SMARCC1: variants seen among roughly 807,000 people sequenced by gnomAD.
SMARCC1 encodes SWI/SNF complex subunit SMARCC1.
SMARCC1 carries 43 observed loss-of-function variants against 147.4 expected under a neutral mutation model. That is an observed-to-expected ratio of 0.29 (90% CI 0.23 to 0.38). The LOEUF (loss-of-function observed/expected upper bound fraction) is 0.38. SMARCC1 is among the 10% of genes least tolerant of loss of function. The probability of loss-of-function intolerance (pLI) is 1.00; values close to 1 mark genes in which losing one functional copy is unlikely to be tolerated. For missense variants in SMARCC1, 1,119 were observed against 1,381.1 expected, an observed-to-expected ratio of 0.81 and a Z score of 3.01; for synonymous variants, 495 against 484.4, an observed-to-expected ratio of 1.02 and a Z score of -0.29.
chr3:47,773,932 T>A (rs1416415467), intron 1 of SMARCC1, among the ~76,000 whole-genome samples: 2 of 152,082 alleles, frequency 1.3e-5, no homozygotes, highest in African/African-American at 4.8e-5. Context: ...ACACTCAGCC[T>A]CAAAAAGTAT....
chr3:47,682,120 C>A (rs1361360676), intron 14 of SMARCC1, among the ~76,000 whole-genome samples: 1 of 151,142 alleles, frequency 6.6e-6, no homozygotes, highest in Non-Finnish European at 1.5e-5. Context: ...ATGGTGAAAC[C>A]CCGTCTCTAC....
intron 14 of SMARCC1, among the ~76,000 whole-genome samples, chr3:47,682,139 C>T (rs1028808911): frequency 5.9e-5 from 9 of 151,326 alleles, no homozygotes; most frequent in African/African-American, 1.9e-4. Context: ...ACTAAAACTA[C>T]AAAAAATTAG....
intron 26 of SMARCC1, among the ~76,000 whole-genome samples, chr3:47,595,739 TTTC>T (rs1446327453): frequency 2.0e-5 from 3 of 149,288 alleles, no homozygotes; most frequent in Admixed American, 6.7e-5. Flanking sequence ...TCTTTTTCTT[TTTC>T]TTTTTTTTTG....
intron 2 of SMARCC1, among the ~76,000 whole-genome samples, chr3:47,758,420 A>G (rs1207618738): frequency 6.6e-6 from 1 of 151,958 alleles, no homozygotes; most frequent in Non-Finnish European, 1.5e-5. Context: ...GTGGTAGTAT[A>G]TGCCTAGGCT....
intron 21 of SMARCC1, among the ~76,000 whole-genome samples, chr3:47,655,556 G>C (rs2033250643): frequency 6.6e-6 from 1 of 151,504 alleles, no homozygotes; most frequent in South Asian, 2.1e-4. Flanking sequence ...AATCAGCCAG[G>C]TGTCGTGGCA....
rs769789233 is a variant in SMARCC1 at position 47,706,481 on chromosome 3, C to G, written c.968G>C (p.Arg323Pro). ...RRDRKASANA[R>P]KRKHSPSPPP... Reference sequence around the variant, plus strand: ...AGGCGAAGGCGAATGTTTCCTCTTTCGAGCATTAGCTGATGCTTTTCTATC... The same window carrying G: ...AGGCGAAGGCGAATGTTTCCTCTTTGGAGCATTAGCTGATGCTTTTCTATC... The change falls in exon 10 of 28, where the codon CGA becomes CCA. Residue 323 changes from arginine to proline, a missense_variant. This residue lies in a region of SMARCC1 where 542 missense variants were observed against 611.8 expected (regional missense o/e 0.89). Transcript: ENST00000254480. 1.3e-6 allele frequency: 2 copies of G among 1,582,088 alleles called. No individual in the cohort carries two copies. Among genetic ancestry groups the G allele is most frequent in the Non-Finnish European group, 1.7e-6 (2 of 1,167,980 alleles).
intron 21 of SMARCC1, among the ~76,000 whole-genome samples, chr3:47,642,460 C>T (rs561631756): frequency 6.6e-6 from 1 of 152,154 alleles, no homozygotes; most frequent in South Asian, 2.1e-4. Context: ...TGTGGTGGCG[C>T]ATGCTAGTAA....
At chr3:47,735,492 G>A (rs948256702) in intron 5 of SMARCC1, among the ~76,000 whole-genome samples, 3 of 152,022 alleles carry the variant, frequency 2.0e-5, no homozygotes, top group African/African-American at 4.8e-5. Flanking sequence ...CATTGTGGCC[G>A]GGCACAGTGG....
chr3:47,624,099 G>A (rs1259318274), intron 24 of SMARCC1, among the ~76,000 whole-genome samples: 2 of 151,882 alleles, frequency 1.3e-5, no homozygotes, highest in Admixed American at 6.6e-5. Context: ...AGACCAGCCC[G>A]GCCAACACAG....
chr3:47,651,998 G>A (rs2033196152), intron 21 of SMARCC1, among the ~76,000 whole-genome samples: 1 of 152,166 alleles, frequency 6.6e-6, no homozygotes, highest in Non-Finnish European at 1.5e-5. Flanking sequence ...TTTTATTTGA[G>A]ACATGGTCTC....
At chr3:47,628,843 C>T (rs1291788762) in intron 24 of SMARCC1, among the ~76,000 whole-genome samples, 1 of 152,172 alleles carries the variant, frequency 6.6e-6, no homozygotes, top group Admixed American at 6.5e-5. Flanking sequence ...GTGGGGATTA[C>T]ATTTTAAACA....
chr3:47,597,536 C>T (rs1488553440), intron 26 of SMARCC1, among the ~76,000 whole-genome samples: 1 of 152,096 alleles, frequency 6.6e-6, no homozygotes. Flanking sequence ...CCATGTTAGC[C>T]AGGATGGTCT....
intron 2 of SMARCC1, among the ~76,000 whole-genome samples, chr3:47,767,866 A>G (rs1274740172): frequency 6.9e-6 from 1 of 144,836 alleles, no homozygotes; most frequent in Non-Finnish European, 1.5e-5. Context: ...AACAACAAAA[A>G]AACAGTGAAC....
intron 21 of SMARCC1, among the ~76,000 whole-genome samples, chr3:47,649,130 ATAT>A (rs1169910705): frequency 6.6e-6 from 1 of 152,248 alleles, no homozygotes; most frequent in Admixed American, 6.5e-5. Context: ...AGCCCTTTAA[ATAT>A]AACAAAGAGA....
chr3:47,631,505 T>G (rs574561784), intron 24 of SMARCC1, among the ~76,000 whole-genome samples: 2 of 152,174 alleles, frequency 1.3e-5, no homozygotes, highest in African/African-American at 2.4e-5. Flanking sequence ...AAGACCCAGA[T>G]AGAAAGGATC....
intron 11 of SMARCC1, among the ~76,000 whole-genome samples, chr3:47,694,356 T>C (rs2033823521): frequency 6.6e-6 from 1 of 152,086 alleles, no homozygotes. Flanking sequence ...ATCCCAGCAC[T>C]TTGGGAGGTT....
intron 4 of SMARCC1, among the ~76,000 whole-genome samples, chr3:47,737,208 A>G (rs917180730): frequency 1.3e-5 from 2 of 152,256 alleles, no homozygotes; most frequent in Middle Eastern, 3.4e-3. Context: ...CCTGGCTAAC[A>G]TGGCAAAACC....
At chr3:47,720,589 G>T in intron 7 of SMARCC1, 77 bp downstream of exon 7, 1 of 1,011,258 alleles carries the variant, frequency 9.9e-7, no homozygotes, top group Non-Finnish European at 1.5e-6. Context: ...TCACTATTCA[G>T]AAAATAAAAC....
intron 25 of SMARCC1, among the ~76,000 whole-genome samples, chr3:47,614,872 C>G (rs1399748534): frequency 1.3e-5 from 2 of 152,226 alleles, no homozygotes; most frequent in Non-Finnish European, 2.9e-5. Flanking sequence ...GGACTGCTTT[C>G]AAGAATTTCT....
Sources: allele counts gnomAD v4.1 joint callset (sites outside exome capture counted in the v4.1 genomes callset), GRCh38; gene constraint gnomAD v4.1.1; regional missense constraint gnomAD v4.1.1; transcripts MANE v1.5; gene names NCBI Gene and HGNC (gene_info 2026-07-23, HGNC 2026-07-21).